Variants in SLC7A5 observed in about 807,000 individuals in gnomAD.
SLC7A5 encodes solute carrier family 7 member 5, also known as large neutral amino acids transporter small subunit 1.
SLC7A5 carries 23 observed loss-of-function variants against 50.2 expected under a neutral mutation model. The ratio of observed to expected loss-of-function variants is 0.46; its 90% confidence interval spans 0.33 to 0.65. The LOEUF (loss-of-function observed/expected upper bound fraction) is 0.65, where lower values mean the gene tolerates loss of function less well. SLC7A5 is among the 30% of genes least tolerant of loss of function. The pLI, the probability that SLC7A5 is intolerant of heterozygous loss-of-function variation, is 0.02. For missense variants in SLC7A5, 578 were observed against 684.4 expected (o/e 0.84, Z 1.73); for synonymous variants, 393 against 330.6 (o/e 1.19, Z -2.05).
chr16:87,863,587 C>T (rs988211817), intron 1 of SLC7A5: 19 of 152,184 alleles, frequency 1.2e-4, no homozygotes, highest in African/African-American at 4.3e-4. Flanking sequence ...TGGTTCCTCT[C>T]ACCTTTATGA....
chr16:87,847,702 A>G (rs1446164737), intron 2 of SLC7A5, among the ~76,000 whole-genome samples: 1 of 152,096 alleles, frequency 6.6e-6, no homozygotes, highest in Admixed American at 6.5e-5. Flanking sequence ...ATGACCCTGC[A>G]CACTGCACCC....
rs1373042127 is a variant in SLC7A5, at chr16:87,869,164, C to A, written c.259G>T (p.Val87Leu). ...KEAGSPGLAL[V>L]VWAACGVFSI... Reference sequence around the variant, plus strand: ...AAGACGCCGCACGCGGCCCACACCACCAGCGCCAGCCCCGGCGAGCCTGCC... The same window carrying A: ...AAGACGCCGCACGCGGCCCACACCAACAGCGCCAGCCCCGGCGAGCCTGCC... The change falls in exon 1 of 10, where the codon GTG becomes TTG. Residue 87 changes from valine (V) to leucine (L), a missense_variant. Physicochemically the swap from Val to Leu is conservative, Grantham distance 32. Around this residue, in one of 2 missense-constraint regions of SLC7A5, gnomAD observed 465 missense variants for 594.6 expected, o/e 0.78. Coordinates refer to ENST00000261622, the MANE Select transcript of SLC7A5 (RefSeq NM_003486.7). 1 of 1,612,130 alleles carries A rather than the reference C, an allele frequency of 6.2e-7. No individual in the cohort carries two copies. The highest frequency in any genetic ancestry group is 1.7e-5 in the Admixed American group (1 of 60,004).
intron 2 of SLC7A5, among the ~76,000 whole-genome samples, chr16:87,845,798 T>G (rs562160320): frequency 1.4e-3 from 212 of 152,238 alleles, no homozygotes; most frequent in African/African-American, 4.8e-3. Context: ...GGAAAGACCC[T>G]GAGAACTGTC....
intron 2 of SLC7A5, among the ~76,000 whole-genome samples, chr16:87,844,500 C>A (rs1395758876): frequency 6.6e-6 from 1 of 152,224 alleles, no homozygotes; most frequent in African/African-American, 2.4e-5. Context: ...TGACGGGGCC[C>A]AGGGACGCCC....
intron 1 of SLC7A5, among the ~76,000 whole-genome samples, chr16:87,857,285 C>T (rs112121535): frequency 1.0e-3 from 156 of 151,784 alleles, no homozygotes; most frequent in Middle Eastern, 3.4e-3. Context: ...TGCAGTGGTA[C>T]GATCTTGGCT....
chr16:87,852,939 C>G lies in SLC7A5; in HGVS notation c.539-1090G>C, dbSNP rs66480687. Among the ~76,000 whole-genome samples, 1 of 152,030 alleles carries G rather than the reference C, an allele frequency of 6.6e-6. No homozygotes were observed. The highest frequency in any genetic ancestry group is 2.4e-5 in the African/African-American group (1 of 41,376). ...TTCACTCCTCTGCTCACGAGGTTATCTGTCGCTGTCAGCAGCTTGAAATCT... is the reference window on the plus strand; with the variant it reads ...TTCACTCCTCTGCTCACGAGGTTATGTGTCGCTGTCAGCAGCTTGAAATCT... On this transcript the variant is annotated intron_variant, in intron 1 of 9. Transcript: ENST00000261622. This position sits in a 1 kb window ranked among gnomAD's most constrained non-coding sequence, Gnocchi z 4.5.
chr16:87,861,181 A>T lies in SLC7A5; in HGVS notation c.538+7704T>A, dbSNP rs995580725. Among the ~76,000 whole-genome samples the T allele has an allele frequency of 1.5e-4, 23 of 152,198 alleles. No homozygotes were observed. Among genetic ancestry groups the T allele is most frequent in the African/African-American group, 5.3e-4 (22 of 41,456 alleles). ...TGGCCAGCTATCCAGGTGATGCTCCAGGGAGGGCCAGGCCTACTGGGGGGC... is the reference window on the plus strand; with the variant it reads ...TGGCCAGCTATCCAGGTGATGCTCCTGGGAGGGCCAGGCCTACTGGGGGGC... On this transcript the variant is annotated intron_variant, in intron 1 of 9. Coordinates refer to ENST00000261622, the MANE Select transcript of SLC7A5 (RefSeq NM_003486.7). The surrounding 1 kb of genome is among the most constrained non-coding windows in gnomAD (Gnocchi z 4.2).
intron 2 of SLC7A5, among the ~76,000 whole-genome samples, chr16:87,847,801 G>T (rs1211469702): frequency 6.6e-6 from 1 of 152,150 alleles, no homozygotes; most frequent in African/African-American, 2.4e-5. Context: ...GAGTCTAAGG[G>T]GCCCTACTAG....
At chr16:87,868,337 C>A (rs185733739) in intron 1 of SLC7A5, among the ~76,000 whole-genome samples, 1 of 152,090 alleles carries the variant, frequency 6.6e-6, no homozygotes, top group Non-Finnish European at 1.5e-5. Flanking sequence ...CAGGGGGGAT[C>A]CCTTAGCCTA....
intron 1 of SLC7A5, among the ~76,000 whole-genome samples, chr16:87,854,903 G>A (rs1221070491): frequency 6.6e-6 from 1 of 152,216 alleles, no homozygotes; most frequent in Non-Finnish European, 1.5e-5. Context: ...CCCTTCACCT[G>A]TGTCTCCACC....
intron 5 of SLC7A5, 124 bp downstream of exon 5, chr16:87,839,578 A>T: frequency 7.2e-7 from 1 of 1,384,748 alleles, no homozygotes; most frequent in Non-Finnish European, 1.0e-6. Flanking sequence ...GGGGAGGCTT[A>T]GAGACGCGGG....
chr16:87,844,791 C>T (rs1407434766), intron 2 of SLC7A5, among the ~76,000 whole-genome samples: 1 of 152,276 alleles, frequency 6.6e-6, no homozygotes, highest in African/African-American at 2.4e-5. Context: ...GGCCTTCCGC[C>T]TTCCAACCAC....
chr16:87,837,472 G>C, intron 7 of SLC7A5: 1 of 285,532 alleles, frequency 3.5e-6, no homozygotes, highest in South Asian at 4.7e-5. Context: ...AGTCACGCGG[G>C]CTGGCACGGA....
At chr16:87,849,812 G>A (rs574326419) in intron 2 of SLC7A5, among the ~76,000 whole-genome samples, 10 of 152,206 alleles carry the variant, frequency 6.6e-5, no homozygotes, top group East Asian at 5.8e-4. Context: ...CTGGTACCCC[G>A]GGCGACTCTG....
At chr16:87,835,726 G>C (rs567716521) in intron 8 of SLC7A5, among the ~76,000 whole-genome samples, 1 of 152,030 alleles carries the variant, frequency 6.6e-6, no homozygotes, top group Non-Finnish European at 1.5e-5. Context: ...TGCCCGCCTC[G>C]GCCTCCCAAA....
chr16:87,839,945 C>T (rs1005383693), intron 4 of SLC7A5, 120 bp from the exon 5 acceptor site: 86 of 1,380,358 alleles, frequency 6.2e-5, no homozygotes, highest in East Asian at 4.4e-4. Context: ...CTGGGCTTCT[C>T]GGGGAAGGTG....
rs1300897039 is a variant in SLC7A5, at chr16:87,849,402, G to T, written c.664+2322C>A. ...AAGCTCAGAAGGGAATTGCTGGGGGGAGCACGGTGGGAGGACGCTTTCAAC... is the reference window on the plus strand; with the variant it reads ...AAGCTCAGAAGGGAATTGCTGGGGGTAGCACGGTGGGAGGACGCTTTCAAC... On this transcript the variant is annotated intron_variant, in intron 2 of 9. Coordinates refer to ENST00000261622, the MANE Select transcript of SLC7A5 (RefSeq NM_003486.7). Among the ~76,000 whole-genome samples, 3 of 152,342 alleles carry T rather than the reference G, an allele frequency of 2.0e-5. No individual in the cohort carries two copies. The South Asian group carries it at 6.2e-4, about 32-fold the overall frequency.
At chr16:87,843,078 G>A (rs2055102035) in intron 2 of SLC7A5, among the ~76,000 whole-genome samples, 1 of 152,156 alleles carries the variant, frequency 6.6e-6, no homozygotes, top group Non-Finnish European at 1.5e-5. Context: ...GGTGGGAGGG[G>A]GTGAAGGTGA....
Position 87,841,155 on chromosome 16 carries a change from C to A in SLC7A5, c.665G>T (p.Gly222Val), listed in dbSNP as rs781764399. 6.3e-7 allele frequency: 1 copy of A among 1,597,848 alleles called. No individual in the cohort carries two copies. The highest frequency in any genetic ancestry group is 1.7e-5 in the Admixed American group (1 of 60,008). The change falls in exon 3 of 10, where the codon GGT (glycine) becomes GTT (valine). Residue 222 changes from glycine to valine, a missense_variant and splice_region_variant. By Grantham distance (109) the Gly-to-Val change is moderately radical. Transcript: ENST00000261622. The surrounding 1 kb of genome is among the most constrained non-coding windows in gnomAD (Gnocchi z 4.8). The stretch of plus-strand genomic sequence containing the variant: ...GTTGGGATCTAGATTGGACACATCA[C>A]CTGGCAGGGCCAAAGAAAGGAATGC... Reference protein sequence around the residue: ...ILLGFVQIGKGDVSNLDPNFS... With the variant: ...ILLGFVQIGKVDVSNLDPNFS...
Sources: allele counts gnomAD v4.1 joint callset (sites outside exome capture counted in the v4.1 genomes callset), GRCh38; gene constraint gnomAD v4.1.1; regional missense constraint gnomAD v4.1.1; non-coding constraint Gnocchi (gnomAD v3.1); transcripts MANE v1.5; gene names NCBI Gene and HGNC (gene_info 2026-07-23, HGNC 2026-07-21).